The following ATG7 variants were observed in gnomAD, a reference collection of about 807,000 sequenced individuals.
The protein encoded by ATG7 is autophagy related 7.
A neutral mutation model predicts 82.4 loss-of-function variants in ATG7; 70 were observed. That is an observed-to-expected ratio of 0.85 (90% CI 0.70 to 1.04). The LOEUF (loss-of-function observed/expected upper bound fraction) is 1.04, where lower values mean the gene tolerates loss of function less well. Among genes scored for constraint, ATG7 ranks in the 50% least tolerant of loss-of-function variants. The pLI is 0.00. For missense variants in ATG7, 792 were observed against 864.3 expected (o/e 0.92, Z 1.05); for synonymous variants, 287 against 313.0 (o/e 0.92, Z 0.88).
In ATG7 at chr3:11,556,807, A is replaced by C. The variant is rs767514099; in HGVS notation, c.*1964A>C. The C allele has an allele frequency of 1.3e-5, 2 of 152,934 alleles. No individual in the cohort carries two copies. Among genetic ancestry groups the C allele is most frequent in the Admixed American group, 6.5e-5 (1 of 15,300 alleles). 9.5% of individuals were successfully genotyped at this position (152,934 alleles called of 1,614,324 possible). Reference sequence around the variant, plus strand: ...AAGTGTTCTCAACGATTTTTCCTACAGAAAATATAGGGGCCTGAATGCCAA... The same window carrying C: ...AAGTGTTCTCAACGATTTTTCCTACCGAAAATATAGGGGCCTGAATGCCAA... On this transcript the variant is annotated 3_prime_UTR_variant, in exon 21 of 21. Transcript: ENST00000693202.
At chr3:11,569,745 G>A in the ATG7 span, among the ~76,000 whole-genome samples, 1 of 152,328 alleles carries the variant, frequency 6.6e-6, no homozygotes, top group Admixed American at 6.5e-5. Flanking sequence ...GGCTGGGCAT[G>A]GTGACGTGCA....
intron 19 of ATG7, among the ~76,000 whole-genome samples, chr3:11,395,966 GGT>G (rs2079215143): frequency 5.6e-5 from 4 of 71,366 alleles, no homozygotes; most frequent in African/African-American, 1.5e-4. Flanking sequence ...AAAAAAAAAA[GGT>G]AGGGGGGGAA....
In ATG7 at chr3:11,379,867, C is replaced by T. The variant is rs189993392; in HGVS notation, c.1876-105C>T. 1.7e-4 allele frequency: 188 copies of T among 1,087,766 alleles called. 2 individuals are homozygous for T. The highest frequency in any genetic ancestry group is 1.4e-3 in the Middle Eastern group (7 of 5,034). The allele number at this position is 1,087,766 out of a possible 1,614,324, so 67.4% of individuals were successfully genotyped here. A position where few individuals can be genotyped will look rare whatever the true frequency, so the allele number is the denominator to read the frequency against. ...TTTTGCTCATAATCTCTTTCCGGGCCGCCATATTAATCATTTCCTACTTGT... is the reference window on the plus strand; with the variant it reads ...TTTTGCTCATAATCTCTTTCCGGGCTGCCATATTAATCATTTCCTACTTGT... On this transcript the variant is annotated intron_variant, in intron 18 of 20. Transcript: ENST00000693202.
At chr3:11,359,546 A>G (rs917769323) in intron 15 of ATG7, among the ~76,000 whole-genome samples, 2 of 152,216 alleles carry the variant, frequency 1.3e-5, no homozygotes, top group Admixed American at 1.3e-4. Context: ...AAAACAAAAA[A>G]TTAGCTAGGT....
Position 11,556,404 on chromosome 3 carries a change from T to TCC in ATG7, c.*1563_*1564dup, listed in dbSNP as rs1381687861. On this transcript the variant is annotated 3_prime_UTR_variant, in exon 21 of 21. Coordinates refer to ENST00000693202, the MANE Select transcript of ATG7 (RefSeq NM_001349232.2). The stretch of plus-strand genomic sequence containing the variant: ...CCCGGCCGCCAGCACCGCCGACCCC[T>TCC]CCCAGAGTGACGCCCTTGTTCACTG... 2.0e-5 allele frequency: 3 copies of TCC among 152,806 alleles called. No homozygotes were observed. Among genetic ancestry groups the TCC allele is most frequent in the Non-Finnish European group, 2.9e-5 (2 of 68,176 alleles). 9.5% of individuals were successfully genotyped at this position (152,806 alleles called of 1,614,324 possible).
In ATG7 at chr3:11,296,299, A is replaced by G. The variant is rs188471488; in HGVS notation, c.-10-2387A>G. On this transcript the variant is annotated intron_variant, in intron 3 of 20. Coordinates refer to ENST00000693202, the MANE Select transcript of ATG7 (RefSeq NM_001349232.2). ...TCTTCTGAAACTTGCTTTGCCTCTC[A>G]AGGGTCTTCTCTTTCACTCAAGCTG... 3.6e-3 allele frequency among the ~76,000 whole-genome samples: 554 copies of G among 152,152 alleles called. 2 individuals are homozygous for G. The highest frequency in any genetic ancestry group is 5.5e-3 in the Non-Finnish European group (375 of 68,008).
At chr3:11,331,090 A>G (rs561723369) in intron 9 of ATG7, among the ~76,000 whole-genome samples, 1 of 152,084 alleles carries the variant, frequency 6.6e-6, no homozygotes, top group African/African-American at 2.4e-5. Context: ...TTTAGCTCCT[A>G]CTTTCTGCCA....
intron 20 of ATG7, among the ~76,000 whole-genome samples, chr3:11,470,722 C>T (rs2153013904): frequency 6.6e-6 from 1 of 152,264 alleles, no homozygotes; most frequent in Admixed American, 6.5e-5. Context: ...CCACAGGGGC[C>T]ACCAGAGGAC....
At chr3:11,414,470 G>A (rs954843690) in intron 19 of ATG7, among the ~76,000 whole-genome samples, 11 of 152,164 alleles carry the variant, frequency 7.2e-5, no homozygotes, top group Admixed American at 2.6e-4. Context: ...GATTTTCTAC[G>A]TGGGCAGGCA....
intron 9 of ATG7, among the ~76,000 whole-genome samples, chr3:11,321,221 T>C (rs967224874): frequency 6.6e-6 from 1 of 152,246 alleles, no homozygotes. Context: ...TTAGCCTGCC[T>C]AGTGGGGAGC....
chr3:11,553,641 A>G (rs1466970641), intron 20 of ATG7, among the ~76,000 whole-genome samples: 5 of 152,166 alleles, frequency 3.3e-5, no homozygotes, highest in African/African-American at 1.2e-4. Context: ...AGACCGGCCC[A>G]TCCACAGCCT....
intron 20 of ATG7, among the ~76,000 whole-genome samples, chr3:11,545,914 G>A (rs551348796): frequency 2.0e-5 from 3 of 151,986 alleles, no homozygotes; most frequent in African/African-American, 7.2e-5. Flanking sequence ...CCAAGCCAGA[G>A]GATTGCTTAA....
chr3:11,367,255 C>T (rs1280150056), intron 18 of ATG7, among the ~76,000 whole-genome samples: 1 of 152,146 alleles, frequency 6.6e-6, no homozygotes, highest in African/African-American at 2.4e-5. Flanking sequence ...CTGTTGCAAA[C>T]TCAGCACTTC....
downstream of ATG7, among the ~76,000 whole-genome samples, chr3:11,561,139 T>TC (rs2072957917): frequency 1.3e-5 from 2 of 151,484 alleles, no homozygotes; most frequent in African/African-American, 4.9e-5. Flanking sequence ...CCCCCCAGGG[T>TC]CCTCCCAATA....
chr3:11,388,722 C>G (rs1180994709), intron 19 of ATG7, among the ~76,000 whole-genome samples: 1 of 152,080 alleles, frequency 6.6e-6, no homozygotes, highest in Non-Finnish European at 1.5e-5. Context: ...GCCACTGCGC[C>G]AGGCCCCTTC....
intron 20 of ATG7, among the ~76,000 whole-genome samples, chr3:11,526,385 C>T (rs189331371): frequency 6.6e-6 from 1 of 152,190 alleles, no homozygotes; most frequent in Non-Finnish European, 1.5e-5. Context: ...GAGTGAGACT[C>T]AAGTCTCAAA....
At chr3:11,444,560 T>C (rs1273071633) in intron 20 of ATG7, among the ~76,000 whole-genome samples, 2 of 152,174 alleles carry the variant, frequency 1.3e-5, no homozygotes, top group African/African-American at 4.8e-5. Context: ...TCGTAGAAAA[T>C]ATGCCTCTTC....
intron 20 of ATG7, among the ~76,000 whole-genome samples, chr3:11,515,030 A>G (rs2092223564): frequency 6.6e-6 from 1 of 151,790 alleles, no homozygotes. Flanking sequence ...TAGTAGAGAC[A>G]GGGTTTCACC....
chr3:11,408,359 T>G (rs1293353543), intron 19 of ATG7, among the ~76,000 whole-genome samples: 1 of 152,204 alleles, frequency 6.6e-6, no homozygotes, highest in Non-Finnish European at 1.5e-5. Flanking sequence ...AGCAAGTCTC[T>G]AGGAAGTTCC....
Sources: allele counts gnomAD v4.1 joint callset (sites outside exome capture counted in the v4.1 genomes callset), GRCh38; gene constraint gnomAD v4.1.1; transcripts MANE v1.5; gene names NCBI Gene and HGNC (gene_info 2026-07-23, HGNC 2026-07-21).